The following WIPF3 variants were observed in gnomAD, a reference collection of about 807,000 sequenced individuals.
The protein encoded by WIPF3 is WAS/WASL-interacting protein family member 3.
WIPF3 carries 33 observed loss-of-function variants against 38.9 expected under a neutral mutation model. The observed-to-expected ratio is 0.85, with a 90% CI of 0.64 to 1.14. The LOEUF is 1.14. WIPF3 is among the 50% of genes most tolerant of loss of function. WIPF3 has a pLI of 0.00. For missense variants in WIPF3, 711 were observed against 652.5 expected, an observed-to-expected ratio of 1.09 and a Z score of -0.98; for synonymous variants, 324 against 269.3, an observed-to-expected ratio of 1.20 and a Z score of -1.99.
intron 2 of WIPF3, among the ~76,000 whole-genome samples, chr7:29,862,058 G>C (rs566705079): frequency 5.9e-5 from 9 of 152,342 alleles, no homozygotes; most frequent in Middle Eastern, 3.4e-3. Flanking sequence ...GTAGCGGGAA[G>C]CCCTGGTGTG....
intron 3 of WIPF3, among the ~76,000 whole-genome samples, chr7:29,876,516 A>G (rs1357262558): frequency 2.0e-5 from 3 of 152,226 alleles, no homozygotes; most frequent in Admixed American, 6.5e-5. Context: ...TTCACTTAGC[A>G]TAATGTTTTC....
chr7:29,882,738 C>T (rs1413866825), intron 4 of WIPF3, among the ~76,000 whole-genome samples: 1 of 152,176 alleles, frequency 6.6e-6, no homozygotes, highest in Admixed American at 6.5e-5. Flanking sequence ...AGGTCCCATG[C>T]TGCAGCACCC....
chr7:29,847,229 T>C (rs1785014522), intron 2 of WIPF3, among the ~76,000 whole-genome samples: 1 of 152,178 alleles, frequency 6.6e-6, no homozygotes, highest in African/African-American at 2.4e-5. Context: ...GACCGACATG[T>C]TCAGGTCAAA....
intron 1 of WIPF3, among the ~76,000 whole-genome samples, chr7:29,814,623 G>T (rs562342430): frequency 2.2e-4 from 33 of 152,188 alleles, no homozygotes; most frequent in Non-Finnish European, 3.4e-4. Flanking sequence ...TTGATCTTGG[G>T]TGATTACCTT....
intron 3 of WIPF3, among the ~76,000 whole-genome samples, chr7:29,876,456 T>C (rs1562783582): frequency 6.6e-6 from 1 of 152,250 alleles, no homozygotes; most frequent in Non-Finnish European, 1.5e-5. Context: ...TATTCTGTTA[T>C]TTCAAAGAAA....
At chr7:29,839,859 T>C (rs1040470827) in intron 2 of WIPF3, among the ~76,000 whole-genome samples, 2 of 152,244 alleles carry the variant, frequency 1.3e-5, no homozygotes, top group African/African-American at 4.8e-5. Flanking sequence ...GAACACCAAT[T>C]AAGCAAAATG....
intron 1 of WIPF3, among the ~76,000 whole-genome samples, chr7:29,814,680 C>T (rs143456844): frequency 3.2e-3 from 490 of 152,294 alleles, no homozygotes; most frequent in Non-Finnish European, 5.8e-3. Context: ...GGGATGATAA[C>T]ATCTGTTGTG....
intron 7 of WIPF3, among the ~76,000 whole-genome samples, chr7:29,892,340 C>A (rs1360119387): frequency 6.6e-6 from 1 of 152,198 alleles, no homozygotes; most frequent in Non-Finnish European, 1.5e-5. Flanking sequence ...CGGAAGGAGC[C>A]AGGCTGCACG....
At position 29,823,777 on chromosome 7, in the gene WIPF3, C is replaced by T. The variant is rs1784575889; in HGVS notation, c.-57-10891C>T. ...GCTCTTGTGATGTTGAGTGAGTTCT[C>T]ACGAGATCTGATTGTTTAAAAGTGC... On this transcript the variant is annotated intron_variant, in intron 1 of 8. Coordinates refer to ENST00000242140, the MANE Select transcript of WIPF3 (RefSeq NM_001080529.3). The surrounding 1 kb of genome is among the most constrained non-coding windows in gnomAD (Gnocchi z 4.0). Among the ~76,000 whole-genome samples, 1 of 152,136 alleles carries T rather than the reference C, an allele frequency of 6.6e-6. No individual in the cohort carries two copies. Among genetic ancestry groups the T allele is most frequent in the South Asian group, 2.1e-4 (1 of 4,828 alleles).
intron 2 of WIPF3, among the ~76,000 whole-genome samples, chr7:29,836,420 G>A (rs1325108599): frequency 6.6e-6 from 1 of 152,208 alleles, no homozygotes; most frequent in Non-Finnish European, 1.5e-5. Flanking sequence ...CTAGGACTCA[G>A]TAAAAGTTGA....
At chr7:29,858,187 A>C (rs1261101949) in intron 2 of WIPF3, among the ~76,000 whole-genome samples, 2 of 152,220 alleles carry the variant, frequency 1.3e-5, no homozygotes, top group Non-Finnish European at 2.9e-5. Context: ...TGACACATCA[A>C]AGGCAGTTGA....
At chr7:29,812,216 T>G (rs924190123) in intron 1 of WIPF3, among the ~76,000 whole-genome samples, 9 of 152,174 alleles carry the variant, frequency 5.9e-5, no homozygotes, top group Non-Finnish European at 1.3e-4. Context: ...TCTTTTAAGC[T>G]CCCCACTCCC....
chr7:29,851,614 G>A (rs1359795076), intron 2 of WIPF3, among the ~76,000 whole-genome samples: 2 of 152,230 alleles, frequency 1.3e-5, no homozygotes, highest in Non-Finnish European at 2.9e-5. Context: ...TTGTCAAGCA[G>A]TGGACCTGGA....
intron 2 of WIPF3, among the ~76,000 whole-genome samples, chr7:29,872,402 A>G (rs1785510468): frequency 1.3e-5 from 2 of 152,198 alleles, no homozygotes; most frequent in African/African-American, 4.8e-5. Flanking sequence ...GTGCAAAACC[A>G]ATTAAGTCTA....
chr7:29,878,972 T>G lies in WIPF3; in HGVS notation c.224-37T>G. Reference sequence around the variant, plus strand: ...ATGAGACCTGGCTGCTCAGCTCTGCTCTCAAGTCCTTGCCTATTTGTGTCT... The same window carrying G: ...ATGAGACCTGGCTGCTCAGCTCTGCGCTCAAGTCCTTGCCTATTTGTGTCT... On this transcript the variant is annotated intron_variant, in intron 3 of 8. Transcript: ENST00000242140. The surrounding 1 kb of genome is among the most constrained non-coding windows in gnomAD (Gnocchi z 4.0). 1 of 1,567,046 alleles carries G rather than the reference T, an allele frequency of 6.4e-7. No individual in the cohort carries two copies. The highest frequency in any genetic ancestry group is 8.7e-7 in the Non-Finnish European group (1 of 1,149,764).
rs187346769 is a variant in WIPF3, at chr7:29,839,941, C to T, written c.90+5127C>T. ...TAAAAATTTTACTCAATTATTATTACTATGTTCTGAGTTCTGTCAATAAAT... is the reference window on the plus strand; with the variant it reads ...TAAAAATTTTACTCAATTATTATTATTATGTTCTGAGTTCTGTCAATAAAT... On this transcript the variant is annotated intron_variant, in intron 2 of 8. Coordinates refer to ENST00000242140, the MANE Select transcript of WIPF3 (RefSeq NM_001080529.3). Among the ~76,000 whole-genome samples, 117 of 152,288 alleles carry T rather than the reference C, an allele frequency of 7.7e-4. 1 individual carries two copies. Among genetic ancestry groups the T allele is most frequent in the Admixed American group, 7.0e-3 (107 of 15,308 alleles).
At chr7:29,828,019 A>G (rs34600248) in intron 1 of WIPF3, among the ~76,000 whole-genome samples, 84,151 of 151,896 alleles carry the variant, frequency 0.55, 23,491 homozygotes, top group Middle Eastern at 0.63. Flanking sequence ...GGCTGATCTT[A>G]AACTCCTGGG....
chr7:29,851,357 T>A (rs779632985), intron 2 of WIPF3, among the ~76,000 whole-genome samples: 15 of 152,260 alleles, frequency 9.9e-5, no homozygotes, highest in Middle Eastern at 3.4e-3. Context: ...TTTACCTTAT[T>A]GGGGTTGTCA....
chr7:29,854,533 T>C (rs915282229), intron 2 of WIPF3, among the ~76,000 whole-genome samples: 3 of 152,172 alleles, frequency 2.0e-5, no homozygotes, highest in African/African-American at 7.2e-5. Context: ...CAGGGCCAAA[T>C]TGAGGAGTCC....
Sources: allele counts gnomAD v4.1 joint callset (sites outside exome capture counted in the v4.1 genomes callset), GRCh38; gene constraint gnomAD v4.1.1; non-coding constraint Gnocchi (gnomAD v3.1); transcripts MANE v1.5; gene names NCBI Gene and HGNC (gene_info 2026-07-23, HGNC 2026-07-21).